Variants in ADGRB3 observed in about 807,000 individuals in gnomAD.
The protein encoded by ADGRB3 is brain-specific angiogenesis inhibitor 3.
ADGRB3 carries 37 observed loss-of-function variants against 193.4 expected under a neutral mutation model. That is an observed-to-expected ratio of 0.19 (90% CI 0.15 to 0.25). ADGRB3 has a LOEUF of 0.25. Among genes scored for constraint, ADGRB3 ranks in the 10% least tolerant of loss-of-function variants. The pLI is 1.00. For synonymous variants in ADGRB3, 690 were observed against 644.2 expected, an observed-to-expected ratio of 1.07 and a Z score of -1.08; for missense variants, 1,637 against 1,852.9, an observed-to-expected ratio of 0.88 and a Z score of 2.14.
chr6:69,083,682 A>G (rs756539614), intron 17 of ADGRB3, among the ~76,000 whole-genome samples: 4 of 151,990 alleles, frequency 2.6e-5, no homozygotes, highest in Non-Finnish European at 5.9e-5. Flanking sequence ...ATTCATTTTT[A>G]CAATTAATGT....
rs367779248 is a variant in ADGRB3 at position 68,788,423 on chromosome 6, A to T, written c.758-142136A>T. Among the ~76,000 whole-genome samples, 65 of 152,294 alleles carry T rather than the reference A, an allele frequency of 4.3e-4. 2 individuals are homozygous for T. The South Asian group carries it at 5.8e-3, about 14-fold the overall frequency. On this transcript the variant is annotated intron_variant, in intron 3 of 31. Coordinates refer to ENST00000370598, the MANE Select transcript of ADGRB3 (RefSeq NM_001704.3). Reference sequence around the variant, plus strand: ...TCATTTCATTATTTACTCAGTAGTCATTCAGGAACAGGTTGTTGAGTTTCC... The same window carrying T: ...TCATTTCATTATTTACTCAGTAGTCTTTCAGGAACAGGTTGTTGAGTTTCC...
chr6:69,293,919 T>A (rs2127293657), intron 20 of ADGRB3, among the ~76,000 whole-genome samples: 1 of 151,870 alleles, frequency 6.6e-6, no homozygotes, highest in East Asian at 2.0e-4. Flanking sequence ...AGAGTAGGAT[T>A]TTTTAAAACG....
intron 3 of ADGRB3, among the ~76,000 whole-genome samples, chr6:68,862,140 C>G (rs1024671639): frequency 3.0e-4 from 44 of 145,698 alleles, no homozygotes; most frequent in African/African-American, 5.0e-5. Flanking sequence ...GACCCCCCCC[C>G]CCACCCCAAT....
At chr6:69,196,092 A>G (rs1327326460) in intron 17 of ADGRB3, among the ~76,000 whole-genome samples, 2 of 152,138 alleles carry the variant, frequency 1.3e-5, no homozygotes, top group Non-Finnish European at 2.9e-5. Context: ...TTCTTGTTCC[A>G]CAACTGAGAC....
intron 3 of ADGRB3, among the ~76,000 whole-genome samples, chr6:68,768,743 G>A (rs111772172): frequency 0.047 from 7,157 of 151,824 alleles, 339 homozygotes; most frequent in African/African-American, 0.12. Flanking sequence ...CTATCATCAG[G>A]GTGAACAGGA....
chr6:69,021,360 C>G (rs1287908042), intron 13 of ADGRB3, among the ~76,000 whole-genome samples: 1 of 151,794 alleles, frequency 6.6e-6, no homozygotes, highest in Non-Finnish European at 1.5e-5. Context: ...GTTGAACAGT[C>G]AAATATGAAT....
intron 3 of ADGRB3, among the ~76,000 whole-genome samples, chr6:68,753,681 A>G (rs573365310): frequency 1.3e-5 from 2 of 152,310 alleles, no homozygotes; most frequent in South Asian, 4.1e-4. Flanking sequence ...AAATAATGTC[A>G]GTAACTGACT....
At chr6:69,089,721 G>A (rs1226835605) in intron 17 of ADGRB3, among the ~76,000 whole-genome samples, 1 of 152,166 alleles carries the variant, frequency 6.6e-6, no homozygotes, top group Non-Finnish European at 1.5e-5. Flanking sequence ...AGATAATGCT[G>A]CTGCCCTAGA....
At chr6:69,147,331 G>C (rs1182616904) in intron 17 of ADGRB3, among the ~76,000 whole-genome samples, 1 of 151,902 alleles carries the variant, frequency 6.6e-6, no homozygotes, top group African/African-American at 2.4e-5. Context: ...CATAGGTCTT[G>C]GTATGTTTTG....
intron 17 of ADGRB3, among the ~76,000 whole-genome samples, chr6:69,111,495 A>C (rs901086006): frequency 3.9e-5 from 6 of 152,214 alleles, no homozygotes; most frequent in African/African-American, 1.4e-4. Flanking sequence ...ACAAGCATTT[A>C]GATAAAACTG....
At chr6:68,703,583 TA>T (rs201494651) in intron 3 of ADGRB3, among the ~76,000 whole-genome samples, 3,366 of 152,240 alleles carry the variant, frequency 0.022, 65 homozygotes, top group South Asian at 0.069. Context: ...ACAAAATACC[TA>T]AAATATTAAA....
intron 21 of ADGRB3, among the ~76,000 whole-genome samples, chr6:69,326,982 G>T (rs1291526140): frequency 6.6e-6 from 1 of 152,154 alleles, no homozygotes; most frequent in Non-Finnish European, 1.5e-5. Context: ...ATGAAGGAAT[G>T]TGATGCCACT....
At chr6:68,783,713 A>T (rs1766904835) in intron 3 of ADGRB3, among the ~76,000 whole-genome samples, 1 of 151,988 alleles carries the variant, frequency 6.6e-6, no homozygotes, top group African/African-American at 2.4e-5. Flanking sequence ...CACACTCAAG[A>T]AAATGGGAAG....
At chr6:68,917,714 T>C (rs1766922549) in intron 3 of ADGRB3, among the ~76,000 whole-genome samples, 1 of 152,162 alleles carries the variant, frequency 6.6e-6, no homozygotes, top group African/African-American at 2.4e-5. Context: ...TTTGAAACAA[T>C]CTTCACTCTC....
chr6:69,329,777 G>C (rs1768673151), intron 22 of ADGRB3, among the ~76,000 whole-genome samples: 1 of 152,280 alleles, frequency 6.6e-6, no homozygotes, highest in African/African-American at 2.4e-5. Flanking sequence ...GTGCCACCCT[G>C]CAAAGCATCC....
At chr6:68,810,491 T>C (rs1250145944) in intron 3 of ADGRB3, among the ~76,000 whole-genome samples, 2 of 152,198 alleles carry the variant, frequency 1.3e-5, no homozygotes, top group African/African-American at 4.8e-5. Flanking sequence ...AAAACCACTG[T>C]GGTGAAACTT....
intron 13 of ADGRB3, among the ~76,000 whole-genome samples, chr6:69,037,990 A>G (rs1770924137): frequency 6.6e-6 from 1 of 151,928 alleles, no homozygotes; most frequent in Admixed American, 6.6e-5. Context: ...GAGGATGGAG[A>G]CTTTTTTCAC....
In ADGRB3 at chr6:69,146,670, C is replaced by T. The variant is rs1185080390; in HGVS notation, c.2480+70632C>T. 4.6e-5 allele frequency among the ~76,000 whole-genome samples: 7 copies of T among 152,340 alleles called. No individual in the cohort carries two copies. The East Asian group carries it at 1.4e-3, about 29-fold the overall frequency. On this transcript the variant is annotated intron_variant, in intron 17 of 31. Transcript: ENST00000370598. ...GGCCCTGGCTATGCCTCCCACACTG[C>T]AGCCAGCATCATGGCAGTGGCCACT...
chr6:69,121,468 T>G lies in ADGRB3; in HGVS notation c.2480+45430T>G, dbSNP rs544221596. Reference sequence around the variant, plus strand: ...TTTTCCCCATATTTCCCCCTTTTCTTTTCGACAAAACTGCCATCGTCATCA... The same window carrying G: ...TTTTCCCCATATTTCCCCCTTTTCTGTTCGACAAAACTGCCATCGTCATCA... On this transcript the variant is annotated intron_variant, in intron 17 of 31. Coordinates refer to ENST00000370598, the MANE Select transcript of ADGRB3 (RefSeq NM_001704.3). 5.8e-3 allele frequency among the ~76,000 whole-genome samples: 888 copies of G among 152,148 alleles called. 3 individuals carry two copies. Among genetic ancestry groups the G allele is most frequent in the Non-Finnish European group, 9.4e-3 (640 of 68,012 alleles).
Sources: allele counts gnomAD v4.1 joint callset (sites outside exome capture counted in the v4.1 genomes callset), GRCh38; gene constraint gnomAD v4.1.1; transcripts MANE v1.5; gene names NCBI Gene and HGNC (gene_info 2026-07-23, HGNC 2026-07-21).